The following TEAD1 variants were observed in gnomAD, a reference collection of about 807,000 sequenced individuals.
TEAD1 encodes the protein TEA domain transcription factor 1.
A neutral mutation model predicts 54.9 loss-of-function variants in TEAD1; 9 were observed. The observed-to-expected ratio is 0.16, with a 90% CI of 0.10 to 0.29. The LOEUF (loss-of-function observed/expected upper bound fraction) is 0.29. TEAD1 is among the 10% of genes least tolerant of loss of function. The probability of loss-of-function intolerance (pLI) is 1.00; values close to 1 mark genes in which losing one functional copy is unlikely to be tolerated. For missense variants in TEAD1, 387 were observed against 535.9 expected (o/e 0.72, Z 2.74); for synonymous variants, 200 against 187.8 (o/e 1.07, Z -0.53).
intron 3 of TEAD1, among the ~76,000 whole-genome samples, chr11:12,845,433 C>T (rs1348422130): frequency 6.6e-6 from 1 of 152,184 alleles, no homozygotes; most frequent in African/African-American, 2.4e-5. Context: ...TAGTCTAGCA[C>T]AGGAGTTAAT....
intron 3 of TEAD1, among the ~76,000 whole-genome samples, chr11:12,772,319 C>T (rs1424692276): frequency 1.3e-5 from 2 of 152,082 alleles, no homozygotes; most frequent in Admixed American, 1.3e-4. Flanking sequence ...GACACTTGGC[C>T]ATTTGGTTAG....
At chr11:12,888,262 A>C (rs1390553448) in intron 9 of TEAD1, among the ~76,000 whole-genome samples, 5 of 152,216 alleles carry the variant, frequency 3.3e-5, no homozygotes, top group Non-Finnish European at 1.5e-5. Flanking sequence ...TAATCCCAGC[A>C]CTTTGGGAGG....
chr11:12,898,327 A>C (rs192050243), intron 9 of TEAD1, among the ~76,000 whole-genome samples: 29 of 152,088 alleles, frequency 1.9e-4, no homozygotes, highest in African/African-American at 7.0e-4. Context: ...CTACCTCAGG[A>C]TCTAGTGAAT....
At chr11:12,903,993 C>T (rs1333700360) in intron 10 of TEAD1, among the ~76,000 whole-genome samples, 1 of 152,144 alleles carries the variant, frequency 6.6e-6, no homozygotes, top group Admixed American at 6.5e-5. Context: ...AACAGGGTAG[C>T]TTTCAAAATG....
chr11:12,892,212 G>A (rs1451883462), intron 9 of TEAD1, among the ~76,000 whole-genome samples: 1 of 152,160 alleles, frequency 6.6e-6, no homozygotes, highest in East Asian at 1.9e-4. Context: ...TCCGTTGTCA[G>A]AACACAGATC....
intron 2 of TEAD1, among the ~76,000 whole-genome samples, chr11:12,690,183 A>G (rs1943425604): frequency 6.8e-6 from 1 of 147,326 alleles, no homozygotes; most frequent in African/African-American, 2.5e-5. Flanking sequence ...CGGAGCTTGT[A>G]GTGAGCTGAG....
chr11:12,935,104 C>T (rs567768309), intron 12 of TEAD1, among the ~76,000 whole-genome samples: 1 of 152,302 alleles, frequency 6.6e-6, no homozygotes, highest in East Asian at 1.9e-4. Context: ...AGGAGGCAGG[C>T]ATGCATCAAG....
At chr11:12,758,052 A>C (rs1945020095) in intron 2 of TEAD1, among the ~76,000 whole-genome samples, 2 of 152,030 alleles carry the variant, frequency 1.3e-5, no homozygotes, top group Admixed American at 1.3e-4. Flanking sequence ...AGTGCTAGGC[A>C]TTATAGGCGT....
intron 9 of TEAD1, among the ~76,000 whole-genome samples, chr11:12,895,615 C>T (rs1160844615): frequency 6.6e-6 from 1 of 152,174 alleles, no homozygotes; most frequent in Non-Finnish European, 1.5e-5. Flanking sequence ...TTCCCTTCCT[C>T]AGAAAAACTC....
At chr11:12,701,112 G>C (rs945382604) in intron 2 of TEAD1, among the ~76,000 whole-genome samples, 1 of 152,150 alleles carries the variant, frequency 6.6e-6, no homozygotes, top group African/African-American at 2.4e-5. Context: ...GAGAGTGTTT[G>C]TAAGACCGTT....
At chr11:12,851,294 G>A (rs567428282) in intron 3 of TEAD1, among the ~76,000 whole-genome samples, 6 of 152,238 alleles carry the variant, frequency 3.9e-5, no homozygotes, top group Admixed American at 2.0e-4. Context: ...GCAGATATGC[G>A]TCTAGAGGTC....
At chr11:12,710,737 A>C (rs1943919274) in intron 2 of TEAD1, among the ~76,000 whole-genome samples, 1 of 152,172 alleles carries the variant, frequency 6.6e-6, no homozygotes, top group Non-Finnish European at 1.5e-5. Context: ...AGAGAGAGAA[A>C]TAGACATGTC....
chr11:12,844,455 A>G (rs1947099230), intron 3 of TEAD1, among the ~76,000 whole-genome samples: 1 of 152,166 alleles, frequency 6.6e-6, no homozygotes, highest in African/African-American at 2.4e-5. Flanking sequence ...GTCAGTTTCC[A>G]CATGTGATTT....
At chr11:12,704,451 C>T (rs557395325) in intron 2 of TEAD1, among the ~76,000 whole-genome samples, 1 of 152,246 alleles carries the variant, frequency 6.6e-6, no homozygotes, top group African/African-American at 2.4e-5. Flanking sequence ...TTTGCTTCCA[C>T]CGGCATCTGC....
At chr11:12,896,264 G>A (rs1024372643) in intron 9 of TEAD1, among the ~76,000 whole-genome samples, 4 of 152,094 alleles carry the variant, frequency 2.6e-5, no homozygotes, top group African/African-American at 4.8e-5. Context: ...AATCAGGTCC[G>A]CTCTCTTGGT....
rs751916245 is a variant in TEAD1, at chr11:12,941,953, A to G, written c.*4731A>G. ...TAATGTTCATTTACGAATTGGCCCA[A>G]TATTGGAAACAAAACAAGCAAAAAT... is the stretch of plus-strand genomic sequence containing the variant. On this transcript the variant is annotated 3_prime_UTR_variant, in exon 13 of 13. Coordinates refer to ENST00000527636, the MANE Select transcript of TEAD1 (RefSeq NM_021961.6). The G allele has an allele frequency of 1.6e-4, 24 of 152,586 alleles. No homozygotes were observed. The highest frequency in any genetic ancestry group is 3.3e-4 in the Admixed American group (5 of 15,276). The allele number at this position is 152,586 out of a possible 1,614,324, so 9.5% of individuals were successfully genotyped here.
At chr11:12,893,253 C>G (rs1948235760) in intron 9 of TEAD1, among the ~76,000 whole-genome samples, 1 of 152,148 alleles carries the variant, frequency 6.6e-6, no homozygotes, top group Admixed American at 6.5e-5. Flanking sequence ...TCATGTTTTT[C>G]CAAGCCTGGT....
chr11:12,928,037 T>G (rs776950779), intron 11 of TEAD1, among the ~76,000 whole-genome samples: 1 of 152,188 alleles, frequency 6.6e-6, no homozygotes, highest in Non-Finnish European at 1.5e-5. Flanking sequence ...CTATTTTACT[T>G]AGGATTTTTA....
chr11:12,710,768 G>A (rs762822871), intron 2 of TEAD1, among the ~76,000 whole-genome samples: 4 of 152,116 alleles, frequency 2.6e-5, no homozygotes, highest in African/African-American at 9.7e-5. Context: ...TGACCGGTGT[G>A]AAGATGAAGA....
Sources: gnomAD v4.1 joint callset for allele counts (sites outside exome capture counted in the v4.1 genomes callset) on GRCh38, gnomAD v4.1.1 for gene constraint, MANE v1.5 for transcripts, NCBI Gene and HGNC (gene_info 2026-07-23, HGNC 2026-07-21) for gene names.